Variants in GALNTL6 observed in about 807,000 individuals in gnomAD.
GALNTL6 encodes polypeptide N-acetylgalactosaminyltransferase-like 6.
A neutral mutation model predicts 73.7 loss-of-function variants in GALNTL6; 46 were observed. The ratio of observed to expected loss-of-function variants is 0.62; its 90% CI spans 0.49 to 0.80. The LOEUF is 0.80. Ranked by LOEUF, GALNTL6 falls within the 30% of genes least tolerant of loss-of-function variation. The pLI is 0.00. For missense variants in GALNTL6, 604 were observed against 755.0 expected, an observed-to-expected ratio of 0.80 and a Z score of 2.34; for synonymous variants, 259 against 263.7, an observed-to-expected ratio of 0.98 and a Z score of 0.17.
chr4:172,793,577 G>C (rs1170120093), intron 5 of GALNTL6, among the ~76,000 whole-genome samples: 1 of 152,172 alleles, frequency 6.6e-6, no homozygotes, highest in East Asian at 1.9e-4. Flanking sequence ...CTTTGCTGCA[G>C]CTCAAGGAGA....
intron 2 of GALNTL6, among the ~76,000 whole-genome samples, chr4:172,084,105 T>C (rs545782114): frequency 1.3e-5 from 2 of 152,322 alleles, no homozygotes; most frequent in East Asian, 3.9e-4. Context: ...AGTTGTTTTC[T>C]ATGACAAAGG....
intron 2 of GALNTL6, among the ~76,000 whole-genome samples, chr4:172,206,806 T>TTTG (rs1491159934): frequency 0.49 from 14,796 of 30,176 alleles, 3,115 homozygotes; most frequent in South Asian, 0.59. Context: ...TGTTTTTCTG[T>TTTG]TTTTTTTGTT....
At chr4:171,895,026 G>T (rs916935709) in intron 2 of GALNTL6, among the ~76,000 whole-genome samples, 2 of 152,172 alleles carry the variant, frequency 1.3e-5, no homozygotes, top group Non-Finnish European at 2.9e-5. Flanking sequence ...AATATTAAAA[G>T]TCAGACAGAA....
chr4:172,515,720 C>G (rs1734582657), intron 5 of GALNTL6, among the ~76,000 whole-genome samples: 1 of 152,198 alleles, frequency 6.6e-6, no homozygotes, highest in African/African-American at 2.4e-5. Context: ...TATTGGCTGG[C>G]TACTGGAACA....
At chr4:172,441,069 C>T (rs188839761) in intron 5 of GALNTL6, among the ~76,000 whole-genome samples, 24 of 152,120 alleles carry the variant, frequency 1.6e-4, no homozygotes, top group Admixed American at 1.6e-3. Context: ...TTAAATTAAA[C>T]ATCTCTTCCA....
At chr4:172,407,186 A>AT (rs1465027945) in intron 5 of GALNTL6, among the ~76,000 whole-genome samples, 7 of 152,064 alleles carry the variant, frequency 4.6e-5, no homozygotes, top group African/African-American at 1.7e-4. Flanking sequence ...CTTCAAATCA[A>AT]TCTTTTAATT....
chr4:172,477,087 A>G (rs1479228197), intron 5 of GALNTL6, among the ~76,000 whole-genome samples: 2 of 151,344 alleles, frequency 1.3e-5, no homozygotes, highest in Non-Finnish European at 2.9e-5. Context: ...ACGCCCGGCT[A>G]ATTTCTTTTT....
At chr4:172,972,860 A>T (rs1337927748) in intron 10 of GALNTL6, among the ~76,000 whole-genome samples, 1 of 152,230 alleles carries the variant, frequency 6.6e-6, no homozygotes, top group Non-Finnish European at 1.5e-5. Context: ...TTGTAAATTT[A>T]AAATGATATT....
intron 7 of GALNTL6, among the ~76,000 whole-genome samples, chr4:172,862,058 A>G (rs187609381): frequency 6.6e-6 from 1 of 152,354 alleles, no homozygotes; most frequent in African/African-American, 2.4e-5. Context: ...GAGGGCTCAG[A>G]AGAATATAGA....
At chr4:172,450,223 A>AC (rs1248232354) in intron 5 of GALNTL6, among the ~76,000 whole-genome samples, 1 of 151,060 alleles carries the variant, frequency 6.6e-6, no homozygotes, top group Non-Finnish European at 1.5e-5. Context: ...ATTAAAAAAA[A>AC]AAAAAAACAA....
intron 3 of GALNTL6, among the ~76,000 whole-genome samples, chr4:172,258,132 G>A (rs1239212255): frequency 6.6e-6 from 1 of 151,232 alleles, no homozygotes; most frequent in Non-Finnish European, 1.5e-5. Flanking sequence ...TGGACAAAAA[G>A]CATTTCTTAA....
intron 2 of GALNTL6, among the ~76,000 whole-genome samples, chr4:172,152,012 T>TGG (rs1734105304): frequency 6.6e-6 from 1 of 151,980 alleles, no homozygotes; most frequent in Non-Finnish European, 1.5e-5. Flanking sequence ...CGTCTCTCTC[T>TGG]GTCATCCAGG....
intron 5 of GALNTL6, among the ~76,000 whole-genome samples, chr4:172,772,090 A>C (rs1260578716): frequency 6.6e-6 from 1 of 152,016 alleles, no homozygotes; most frequent in Non-Finnish European, 1.5e-5. Context: ...TTGTGCAGGG[A>C]AACACCCTTA....
chr4:172,649,837 G>T (rs909434771), intron 5 of GALNTL6, among the ~76,000 whole-genome samples: 1 of 152,090 alleles, frequency 6.6e-6, no homozygotes, highest in Non-Finnish European at 1.5e-5. Flanking sequence ...TACATATTAT[G>T]TATGTTATTT....
At chr4:172,977,981 A>G (rs934810247) in intron 10 of GALNTL6, among the ~76,000 whole-genome samples, 1 of 152,120 alleles carries the variant, frequency 6.6e-6, no homozygotes, top group Non-Finnish European at 1.5e-5. Flanking sequence ...CTGGGATTAC[A>G]GGCACCCGCC....
At position 172,369,812 on chromosome 4, in the gene GALNTL6, C is replaced by T. The variant is rs573042019; in HGVS notation, c.553+21123C>T. Reference sequence around the variant, plus strand: ...CCCACCTGGAACTCGCACTTGTGCACGAGCACCTCATGCAGCCCCGGTTCC... The same window carrying T: ...CCCACCTGGAACTCGCACTTGTGCATGAGCACCTCATGCAGCCCCGGTTCC... On this transcript the variant is annotated intron_variant, in intron 5 of 12. Coordinates refer to ENST00000506823, the MANE Select transcript of GALNTL6 (RefSeq NM_001034845.3). Among the ~76,000 whole-genome samples, 20 of 152,268 alleles carry T rather than the reference C, an allele frequency of 1.3e-4. No individual in the cohort carries two copies. In the Middle Eastern group the frequency reaches 0.014, roughly 104 times the overall value.
At chr4:172,385,603 T>C (rs1225419646) in intron 5 of GALNTL6, among the ~76,000 whole-genome samples, 1 of 152,084 alleles carries the variant, frequency 6.6e-6, no homozygotes, top group Non-Finnish European at 1.5e-5. Flanking sequence ...TCTTAGTTAC[T>C]GTTTGTATAG....
intron 5 of GALNTL6, among the ~76,000 whole-genome samples, chr4:172,756,431 G>A (rs1019807682): frequency 7.7e-5 from 10 of 129,420 alleles, no homozygotes; most frequent in African/African-American, 3.4e-4. Context: ...ATCATTTGAG[G>A]TCAGGAGTTT....
chr4:172,839,799 T>C (rs531260892), intron 7 of GALNTL6, among the ~76,000 whole-genome samples: 5 of 152,170 alleles, frequency 3.3e-5, no homozygotes, highest in Non-Finnish European at 5.9e-5. Flanking sequence ...CAGAGAAAAA[T>C]TATCTTTTCC....
Sources: allele counts gnomAD v4.1 joint callset (sites outside exome capture counted in the v4.1 genomes callset), GRCh38; gene constraint gnomAD v4.1.1; transcripts MANE v1.5; gene names NCBI Gene and HGNC (gene_info 2026-07-23, HGNC 2026-07-21).